RPS2: variants seen among roughly 807,000 people sequenced by gnomAD.
The protein encoded by RPS2 is ribosomal protein S2, also known as small ribosomal subunit protein uS5.
In RPS2, 8 loss-of-function variants were observed where a neutral mutation model predicts 25.3. That is an observed-to-expected ratio of 0.32 (90% CI 0.19 to 0.57). The LOEUF (loss-of-function observed/expected upper bound fraction) is 0.57. Ranked by LOEUF, RPS2 falls within the 20% of genes least tolerant of loss-of-function variation. The pLI, the probability that RPS2 is intolerant of heterozygous loss-of-function variation, is 0.90. For missense variants in RPS2, 229 were observed against 408.1 expected, an observed-to-expected ratio of 0.56 and a Z score of 3.78; for synonymous variants, 181 against 161.3, an observed-to-expected ratio of 1.12 and a Z score of -0.92.
At chr16:1,964,141 C>A in intron 3 of RPS2, 135 bp downstream of exon 3, 1 of 698,278 alleles carries the variant, frequency 1.4e-6, no homozygotes. Context: ...TCAGCCAGCC[C>A]GCAACACAAC....
intron 5 of RPS2, 36 bp from the exon 6 acceptor site, chr16:1,962,692 G>A: frequency 6.3e-7 from 1 of 1,587,700 alleles, no homozygotes. Flanking sequence ...GGGGGCCCGA[G>A]GGAGCCTGCC....
chr16:1,963,237 A>T lies in RPS2; in HGVS notation c.287T>A (p.Phe96Tyr). The T allele has an allele frequency of 6.5e-7, 1 of 1,535,874 alleles. No homozygotes were observed. ...ATCCTTGAGAGAGGCCCCCAGGAAG[A>T]AATCAATGATCTCTGATTCCTGAAA... ...LPIKESEIID[F>Y]FLGASLKDEV... is the part of the protein sequence containing the mutation. Residue 96 changes from phenylalanine (F) to tyrosine (Y), a missense_variant, in exon 4 of 7, where the codon TTC (phenylalanine) becomes TAC (tyrosine). Phe to Tyr is a conservative substitution (Grantham distance 22). This residue lies in a region of RPS2 where 70 missense variants were observed against 119.0 expected (regional missense o/e 0.59). Coordinates refer to ENST00000343262, the MANE Select transcript of RPS2 (RefSeq NM_002952.4).
At chr16:1,962,948 A>G (rs2083269992) in intron 4 of RPS2, 39 bp from the exon 5 acceptor site, 1 of 1,594,402 alleles carries the variant, frequency 6.3e-7, no homozygotes, top group Admixed American at 1.7e-5. Context: ...GTGGCCCTAC[A>G]CCCAATCACT....
rs758362618 is a variant in RPS2, at chr16:1,962,194, G to C, written c.786C>G (p.Thr262=). The change falls in exon 7 of 7, where the codon ACC becomes ACG. Residue 262 remains threonine (T), a synonymous_variant. Coordinates refer to ENST00000343262, the MANE Select transcript of RPS2 (RefSeq NM_002952.4). ...CAGTGAACTCCTGATAGGGAGACTT[G>C]GTGAATACAGTCTCCTTCCAGAGGT... is the stretch of plus-strand genomic sequence containing the variant. ...TPDLWKETVF[T]KSPYQEFTDH... 3 of 1,600,354 alleles carry C rather than the reference G, an allele frequency of 1.9e-6. No individual in the cohort carries two copies. The highest frequency in any genetic ancestry group is 2.6e-6 in the Non-Finnish European group (3 of 1,174,096).
At chr16:1,963,798 T>C (rs982494747) in intron 3 of RPS2, 2 of 458,052 alleles carry the variant, frequency 4.4e-6, no homozygotes, top group Non-Finnish European at 8.7e-6. Context: ...GATTTCCTTT[T>C]GCTTTGTCCA....
intron 3 of RPS2, among the ~76,000 whole-genome samples, chr16:1,963,473 G>A (rs1204251188): frequency 3.3e-5 from 5 of 151,986 alleles, no homozygotes; most frequent in South Asian, 2.1e-4. Flanking sequence ...AAAATTAGCC[G>A]GGCATGGTGG....
intron 3 of RPS2, chr16:1,964,058 G>C (rs553472724): frequency 1.2e-5 from 7 of 578,714 alleles, no homozygotes; most frequent in South Asian, 2.1e-5. Flanking sequence ...AATGTGGGAA[G>C]ATGCGCTGAA....
rs571134326 is a variant in RPS2, at chr16:1,963,259, GAAAC to G, written c.268-7_268-4del. 1,505 of 1,497,112 alleles carry G rather than the reference GAAAC, an allele frequency of 1.0e-3. 11 individuals carry two copies. The African/African-American group carries it at 0.013, about 13-fold the overall frequency. 92.7% of individuals were successfully genotyped at this position (1,497,112 alleles called of 1,614,324 possible). A position where few individuals can be genotyped will look rare whatever the true frequency, so the allele number is the denominator to read the frequency against. On this transcript the variant is annotated splice_polypyrimidine_tract_variant and splice_region_variant and intron_variant, in intron 3 of 6. Coordinates refer to ENST00000343262, the MANE Select transcript of RPS2 (RefSeq NM_002952.4). ...AAGAAATCAATGATCTCTGATTCCT[GAAAC>G]AAACAAGAAAATTGTAGGGAGAGCA...
In RPS2 at chr16:1,964,808, T is replaced by C. The variant is rs890326353; in HGVS notation, c.-5A>G. On this transcript the variant is annotated splice_region_variant and 5_prime_UTR_variant, in exon 1 of 7. Transcript: ENST00000343262. Reference sequence around the variant, plus strand: ...GCTGCAGCGACCAACAGGACTCACGTGTTTTGTCGGAAAAGAAGAACGAGA... The same window carrying C: ...GCTGCAGCGACCAACAGGACTCACGCGTTTTGTCGGAAAAGAAGAACGAGA... 5.0e-5 allele frequency: 27 copies of C among 538,664 alleles called. No individual in the cohort carries two copies. Among genetic ancestry groups the C allele is most frequent in the South Asian group, 2.6e-4 (10 of 39,082 alleles). The allele number at this position is 538,664 out of a possible 1,614,324, so 33.4% of individuals were successfully genotyped here. A position where few individuals can be genotyped will look rare whatever the true frequency, so the allele number is the denominator to read the frequency against.
At chr16:1,963,104 A>T (rs377714048) in intron 4 of RPS2, 45 bp downstream of exon 4, 81 of 1,469,530 alleles carry the variant, frequency 5.5e-5, no homozygotes, top group Non-Finnish European at 7.1e-5. Flanking sequence ...GAGCCGAGAG[A>T]GTCCCGGCAA....
intron 3 of RPS2, chr16:1,963,915 T>G (rs1186755561): frequency 2.5e-6 from 1 of 400,604 alleles, no homozygotes; most frequent in Non-Finnish European, 4.9e-6. Flanking sequence ...ATGACAGCTG[T>G]CCCGTACACG....
At chr16:1,963,342 G>T in intron 3 of RPS2, 86 bp from the exon 4 acceptor site, 1 of 874,836 alleles carries the variant, frequency 1.1e-6, no homozygotes, top group Non-Finnish European at 1.8e-6. Context: ...TCACGGCCGG[G>T]GGCGGTGGCT....
At position 1,962,485 on chromosome 16, in the gene RPS2, T is replaced by C; in HGVS notation, c.709+12A>G. The C allele has an allele frequency of 6.2e-7, 1 of 1,611,616 alleles. No homozygotes were observed. Among genetic ancestry groups the C allele is most frequent in the Non-Finnish European group, 8.5e-7 (1 of 1,178,352 alleles). On this transcript the variant is annotated intron_variant, in intron 6 of 6. Transcript: ENST00000343262. ...AGAGACCATGGCTATGCCCCATGTG[T>C]GGACCACCTACCGAAGTTGCCCAGG...
chr16:1,964,330 C>A lies in RPS2; in HGVS notation c.213G>T (p.Lys71Asn), dbSNP rs1428215411. Residue 71 changes from lysine (K) to asparagine (N), a missense_variant, in exon 3 of 7, where the codon AAG becomes AAT. Lys to Asn is a moderately conservative substitution (Grantham distance 94). This residue lies in a region of RPS2 where 70 missense variants were observed against 119.0 expected (regional missense o/e 0.59). Transcript: ENST00000343262. ...MPVTKLGRLVKDMKIKSLEEI... is the reference protein window; with the variant it reads ...MPVTKLGRLVNDMKIKSLEEI... ...CCTCCAGGGACTTGATCTTCATGTC[C>A]TTGACCAAGCGGCCCAACTTGGTGA... The A allele has an allele frequency of 1.2e-6, 2 of 1,613,454 alleles. No homozygotes were observed. The highest frequency in any genetic ancestry group is 2.7e-5 in the African/African-American group (2 of 74,952).
rs773168550 is a variant in RPS2 at position 1,964,476 on chromosome 16, AGCTCCGCGG to A, written c.141_149del (p.Ala50_Gly52del). The stretch of plus-strand genomic sequence containing the variant: ...CCTTATCCTCGGCCTTGCCTCCGCG[AGCTCCGCGG>A]CCTCGGCCCCGGCCCCGTCCACGGC... On this transcript the variant is annotated inframe_deletion, in exon 2 of 7. Transcript: ENST00000343262. 1.9e-6 allele frequency: 3 copies of A among 1,609,274 alleles called. No individual in the cohort carries two copies. In the Admixed American group the frequency reaches 5.0e-5, roughly 27 times the overall value.
intron 3 of RPS2, chr16:1,963,708 G>A (rs903920987): frequency 6.3e-5 from 27 of 430,980 alleles, no homozygotes; most frequent in African/African-American, 2.9e-4. Flanking sequence ...TGTATGTAAG[G>A]TTACCCTATT....
At chr16:1,963,418 C>T (rs912301962) in intron 3 of RPS2, among the ~76,000 whole-genome samples, 162 bp from the exon 4 acceptor site, 1 of 147,938 alleles carries the variant, frequency 6.8e-6, no homozygotes, top group Non-Finnish European at 1.5e-5. Context: ...GAGTCCGATA[C>T]CAGCCTGGCC....
At position 1,962,281 on chromosome 16, in the gene RPS2, A is replaced by G. The variant is rs944267204; in HGVS notation, c.710-11T>C. ...CAAAGGTGGCCTTGGCTGCAAAACA[A>G]AAGAACCCCAGGAGGGTCAGTGGTG... On this transcript the variant is annotated splice_polypyrimidine_tract_variant and intron_variant, in intron 6 of 6. Coordinates refer to ENST00000343262, the MANE Select transcript of RPS2 (RefSeq NM_002952.4). The G allele has an allele frequency of 2.5e-5, 41 of 1,612,462 alleles. 1 individual carries two copies. The highest frequency in any genetic ancestry group is 1.5e-4 in the Admixed American group (9 of 59,978).
chr16:1,964,120 G>C, intron 3 of RPS2, 156 bp downstream of exon 3: 1 of 632,940 alleles, frequency 1.6e-6, no homozygotes, highest in Non-Finnish European at 2.8e-6. Context: ...CCTCTAAGTG[G>C]AATCCTCTCC....
Sources: allele counts gnomAD v4.1 joint callset (sites outside exome capture counted in the v4.1 genomes callset), GRCh38; gene constraint gnomAD v4.1.1; regional missense constraint gnomAD v4.1.1; transcripts MANE v1.5; gene names NCBI Gene and HGNC (gene_info 2026-07-23, HGNC 2026-07-21).